The following DSCAM variants were observed in gnomAD, a reference collection of about 807,000 sequenced individuals.
DSCAM encodes the protein cell adhesion molecule DSCAM.
Under a neutral mutation model 217.7 loss-of-function variants are expected in DSCAM, and 47 were observed. The ratio of observed to expected loss-of-function variants is 0.22; its 90% CI spans 0.17 to 0.28. The LOEUF is 0.28. Among genes scored for constraint, DSCAM ranks in the 10% least tolerant of loss-of-function variants. The pLI, the probability that DSCAM is intolerant of heterozygous loss-of-function variation, is 1.00. For synonymous variants in DSCAM, 1,056 were observed against 1,015.3 expected, an observed-to-expected ratio of 1.04 and a Z score of -0.76; for missense variants, 2,080 against 2,618.3, an observed-to-expected ratio of 0.79 and a Z score of 4.49.
At chr21:40,414,188 A>T (rs1028616289) in intron 3 of DSCAM, among the ~76,000 whole-genome samples, 3 of 152,228 alleles carry the variant, frequency 2.0e-5, no homozygotes, top group Non-Finnish European at 4.4e-5. Context: ...GAAAATAAAA[A>T]GTCCAACTGC....
chr21:40,557,927 T>C (rs918066437), intron 3 of DSCAM, among the ~76,000 whole-genome samples: 1 of 152,214 alleles, frequency 6.6e-6, no homozygotes, highest in Non-Finnish European at 1.5e-5. Flanking sequence ...AGGATTTTGC[T>C]ACAAACGTTA....
chr21:40,182,409 G>A (rs1260017699), intron 14 of DSCAM, among the ~76,000 whole-genome samples: 1 of 151,986 alleles, frequency 6.6e-6, no homozygotes, highest in Admixed American at 6.6e-5. Flanking sequence ...TACCTTTCAG[G>A]GTGTGACAGA....
At chr21:40,120,779 G>A (rs2090024440) in intron 20 of DSCAM, among the ~76,000 whole-genome samples, 1 of 152,134 alleles carries the variant, frequency 6.6e-6, no homozygotes. Context: ...ACCCTAACTT[G>A]TCATCTGGCC....
intron 32 of DSCAM, among the ~76,000 whole-genome samples, chr21:40,014,263 C>T (rs72502205): frequency 0.076 from 11,563 of 152,214 alleles, 618 homozygotes; most frequent in East Asian, 0.25. Flanking sequence ...TGATGGTGGG[C>T]GCCTGTAGTC....
At chr21:40,693,247 C>A (rs1292623778) in intron 2 of DSCAM, among the ~76,000 whole-genome samples, 1 of 152,028 alleles carries the variant, frequency 6.6e-6, no homozygotes, top group Non-Finnish European at 1.5e-5. Context: ...CCAGACTGGG[C>A]AACATGGCAA....
At chr21:40,478,338 T>C (rs1204633603) in intron 3 of DSCAM, among the ~76,000 whole-genome samples, 1 of 152,214 alleles carries the variant, frequency 6.6e-6, no homozygotes, top group African/African-American at 2.4e-5. Context: ...GAACCTGTAG[T>C]ACATGTGGAC....
chr21:40,613,813 A>G (rs1033126953), intron 3 of DSCAM, among the ~76,000 whole-genome samples: 17 of 152,170 alleles, frequency 1.1e-4, no homozygotes, highest in African/African-American at 4.1e-4. Flanking sequence ...GGAAAAAAAA[A>G]AAAGGCAATC....
chr21:40,048,762 C>T (rs939272633), intron 30 of DSCAM, among the ~76,000 whole-genome samples: 8 of 152,098 alleles, frequency 5.3e-5, no homozygotes, highest in Admixed American at 1.3e-4. Flanking sequence ...TGAGAAGAAC[C>T]GGCTCCATGG....
intron 3 of DSCAM, among the ~76,000 whole-genome samples, chr21:40,661,849 T>C (rs1300309886): frequency 1.3e-5 from 2 of 152,206 alleles, no homozygotes; most frequent in Non-Finnish European, 2.9e-5. Flanking sequence ...CTTCTAAAAC[T>C]GCACCTGTTT....
chr21:40,407,270 A>G (rs553276776), intron 3 of DSCAM, among the ~76,000 whole-genome samples: 20 of 152,354 alleles, frequency 1.3e-4, no homozygotes, highest in East Asian at 5.8e-4. Context: ...GTTGTGCAAC[A>G]TAAGTATATA....
At chr21:40,111,862 C>A (rs2089903364) in intron 20 of DSCAM, among the ~76,000 whole-genome samples, 1 of 151,986 alleles carries the variant, frequency 6.6e-6, no homozygotes, top group South Asian at 2.1e-4. Flanking sequence ...ACAAGAAGAG[C>A]TAACTATCCT....
At chr21:40,621,701 T>C (rs1048651780) in intron 3 of DSCAM, among the ~76,000 whole-genome samples, 1 of 151,960 alleles carries the variant, frequency 6.6e-6, no homozygotes, top group Admixed American at 6.6e-5. Flanking sequence ...CATTCATCTA[T>C]ATCTCAATTT....
At chr21:40,574,103 G>A (rs1292206857) in intron 3 of DSCAM, among the ~76,000 whole-genome samples, 1 of 151,826 alleles carries the variant, frequency 6.6e-6, no homozygotes, top group Non-Finnish European at 1.5e-5. Flanking sequence ...TTTTAATAGA[G>A]GAGGAGGGAA....
At chr21:40,532,324 C>A (rs1213048286) in intron 3 of DSCAM, among the ~76,000 whole-genome samples, 1 of 152,128 alleles carries the variant, frequency 6.6e-6, no homozygotes, top group African/African-American at 2.4e-5. Context: ...AAAGATCCAT[C>A]TTTTTCCTCC....
At chr21:40,233,193 C>T (rs1405538642) in intron 11 of DSCAM, among the ~76,000 whole-genome samples, 2 of 151,714 alleles carry the variant, frequency 1.3e-5, no homozygotes, top group South Asian at 2.1e-4. Context: ...TTTTAAAATC[C>T]CTTAAGAGTA....
chr21:40,524,756 A>G (rs1009810971), intron 3 of DSCAM, among the ~76,000 whole-genome samples: 2 of 152,132 alleles, frequency 1.3e-5, no homozygotes, highest in Non-Finnish European at 2.9e-5. Context: ...CATAGCTGTA[A>G]TCCCAGCATT....
chr21:40,580,270 C>T (rs2076893842), intron 3 of DSCAM, among the ~76,000 whole-genome samples: 1 of 151,910 alleles, frequency 6.6e-6, no homozygotes, highest in Admixed American at 6.6e-5. Flanking sequence ...GGGTGGCTCA[C>T]GTCTGTAGTC....
intron 1 of DSCAM, among the ~76,000 whole-genome samples, chr21:40,759,317 C>A (rs74725221): frequency 0.037 from 5,656 of 152,236 alleles, 347 homozygotes; most frequent in African/African-American, 0.13. Context: ...AGGACTCCTC[C>A]TTGCCCCCAC....
chr21:40,360,443 T>C (rs2074749695), intron 4 of DSCAM, among the ~76,000 whole-genome samples: 1 of 151,870 alleles, frequency 6.6e-6, no homozygotes, highest in Non-Finnish European at 1.5e-5. Context: ...CCTTGATAGG[T>C]AGCTTTTTAA....
Sources: gnomAD v4.1 joint callset for allele counts (sites outside exome capture counted in the v4.1 genomes callset) on GRCh38, gnomAD v4.1.1 for gene constraint, MANE v1.5 for transcripts, NCBI Gene and HGNC (gene_info 2026-07-23, HGNC 2026-07-21) for gene names.